The following MS4A10 variants were observed in gnomAD, a reference collection of about 807,000 sequenced individuals.
MS4A10 encodes membrane spanning 4-domains A10.
In MS4A10, 27 loss-of-function variants were observed where a neutral mutation model predicts 27.7. The observed-to-expected ratio is 0.98, with a 90% confidence interval of 0.72 to 1.35. The LOEUF is 1.35. MS4A10 is among the 40% of genes most tolerant of loss of function. The pLI, the probability that MS4A10 is intolerant of heterozygous loss-of-function variation, is 0.00. For synonymous variants in MS4A10, 139 were observed against 131.2 expected (o/e 1.06, Z -0.41); for missense variants, 338 against 324.7 (o/e 1.04, Z -0.32).
At chr11:60,790,567 G>C (rs375919284) in intron 2 of MS4A10, 49 bp downstream of exon 2, 50 of 1,599,418 alleles carry the variant, frequency 3.1e-5, no homozygotes, top group African/African-American at 5.4e-5. Flanking sequence ...AGAGGAGAGG[G>C]GGATATGAGG....
intron 1 of MS4A10, among the ~76,000 whole-genome samples, chr11:60,786,265 TC>T (rs767233644): frequency 1.4e-4 from 21 of 151,448 alleles, no homozygotes; most frequent in Non-Finnish European, 2.8e-4. Flanking sequence ...CTGATGAGGG[TC>T]ATATTATTCA....
intron 1 of MS4A10, among the ~76,000 whole-genome samples, chr11:60,786,727 C>T (rs1854346388): frequency 6.6e-6 from 1 of 152,158 alleles, no homozygotes; most frequent in Non-Finnish European, 1.5e-5. Context: ...AAGGTGGAGC[C>T]TCACTGGTGG....
intron 7 of MS4A10, 125 bp downstream of exon 7, chr11:60,798,639 T>G: frequency 4.2e-6 from 3 of 710,184 alleles, no homozygotes; most frequent in Non-Finnish European, 7.2e-6. Flanking sequence ...GTGCTGCAGC[T>G]AGAACTGCCT....
chr11:60,799,116 G>A (rs1854586122), intron 7 of MS4A10, among the ~76,000 whole-genome samples: 2 of 152,144 alleles, frequency 1.3e-5, no homozygotes, highest in African/African-American at 4.8e-5. Context: ...TGCCCTCCTG[G>A]ACCTCAGTGT....
rs1325045668 is a variant in MS4A10 at position 60,793,997 on chromosome 11, T to C, written c.386T>C (p.Leu129Pro). Residue 129 changes from leucine (L) to proline (P), a missense_variant, in exon 5 of 8, where the codon CTC (leucine) becomes CCC (proline). Leu to Pro is a moderately conservative substitution (Grantham distance 98). Coordinates refer to ENST00000308287, the MANE Select transcript of MS4A10 (RefSeq NM_206893.4). ...AAGATGTTGTGCCTGATGACAAACC[T>C]CATCAGCCTCTTTTGCGTGCTGTCT... is the stretch of plus-strand genomic sequence containing the variant. ...YLKMLCLMTN[L>P]ISLFCVLSGL... The C allele has an allele frequency of 6.2e-7, 1 of 1,614,148 alleles. No homozygotes were observed. Among genetic ancestry groups the C allele is most frequent in the Non-Finnish European group, 8.5e-7 (1 of 1,180,014 alleles).
intron 2 of MS4A10, 65 bp from the exon 3 acceptor site, chr11:60,790,909 T>TA: frequency 6.3e-7 from 1 of 1,599,638 alleles, no homozygotes; most frequent in Non-Finnish European, 8.5e-7. Flanking sequence ...TCCAGGGCAC[T>TA]AGTGGCCTCA....
intron 6 of MS4A10, among the ~76,000 whole-genome samples, chr11:60,798,170 A>C (rs1854563088): frequency 6.6e-6 from 1 of 152,216 alleles, no homozygotes. Flanking sequence ...CCAGAGCCCC[A>C]TCCAGTGACT....
intron 4 of MS4A10, among the ~76,000 whole-genome samples, chr11:60,792,592 G>A (rs1036134869): frequency 6.6e-6 from 1 of 152,184 alleles, no homozygotes; most frequent in South Asian, 2.1e-4. Context: ...CAGGCACCCT[G>A]ACCCATCCAT....
intron 6 of MS4A10, among the ~76,000 whole-genome samples, chr11:60,798,069 G>A (rs1854560580): frequency 1.3e-5 from 2 of 152,352 alleles, no homozygotes; most frequent in South Asian, 2.1e-4. Context: ...TGGCTAGAAG[G>A]GACTTGGGTC....
At chr11:60,792,774 C>G (rs1276896844) in intron 4 of MS4A10, among the ~76,000 whole-genome samples, 1 of 152,228 alleles carries the variant, frequency 6.6e-6, no homozygotes. Flanking sequence ...TGCCCAAACA[C>G]CTTGCCCTCT....
intron 1 of MS4A10, among the ~76,000 whole-genome samples, chr11:60,789,194 A>T (rs1280898040): frequency 1.3e-5 from 2 of 152,198 alleles, no homozygotes; most frequent in East Asian, 3.8e-4. Flanking sequence ...AGTGAGAGGA[A>T]TGGCCCTCCC....
intron 1 of MS4A10, among the ~76,000 whole-genome samples, chr11:60,786,187 A>ACG (rs753636704): frequency 1.2e-3 from 162 of 138,424 alleles, no homozygotes; most frequent in African/African-American, 1.7e-3. Context: ...ACACACACAC[A>ACG]CGCACACACA....
At position 60,794,040 on chromosome 11, in the gene MS4A10, C is replaced by T. The variant is rs779558163; in HGVS notation, c.429C>T (p.Ser143=). The change falls in exon 5 of 8, where the codon TCC becomes TCT. Residue 143 remains serine (S), a synonymous_variant. Transcript: ENST00000308287. ...FCVLSGLFVI[S]KDLFLESPFE... ...TGCTGTCTGGCCTCTTCGTCATCTC[C>T]AAGGATCTCTTTCTGGAGAGCCCAT... 3.7e-6 allele frequency: 6 copies of T among 1,614,160 alleles called. No homozygotes were observed. Among genetic ancestry groups the T allele is most frequent in the South Asian group, 1.1e-5 (1 of 91,078 alleles).
chr11:60,788,501 G>A (rs1372641853), intron 1 of MS4A10, among the ~76,000 whole-genome samples: 2 of 152,230 alleles, frequency 1.3e-5, no homozygotes, highest in Non-Finnish European at 2.9e-5. Context: ...TCTAGGTGAA[G>A]CCAGTGGCTA....
chr11:60,786,388 A>G (rs1421014936), intron 1 of MS4A10, among the ~76,000 whole-genome samples: 1 of 151,984 alleles, frequency 6.6e-6, no homozygotes, highest in Non-Finnish European at 1.5e-5. Flanking sequence ...CAAATCCACG[A>G]ATGACAGTGT....
chr11:60,790,646 A>G (rs1043431000), intron 2 of MS4A10, 128 bp downstream of exon 2: 16 of 1,072,164 alleles, frequency 1.5e-5, no homozygotes, highest in Non-Finnish European at 2.1e-5. Flanking sequence ...CTGAACATTC[A>G]TCTGAACTGG....
At chr11:60,792,360 C>G in intron 4 of MS4A10, 39 bp downstream of exon 4, 1 of 1,447,766 alleles carries the variant, frequency 6.9e-7, no homozygotes, top group East Asian at 2.3e-5. Flanking sequence ...TCCATCTGAG[C>G]ATGGCATAAC....
chr11:60,799,516 A>G (rs1854594633), intron 7 of MS4A10, among the ~76,000 whole-genome samples: 1 of 152,188 alleles, frequency 6.6e-6, no homozygotes, highest in South Asian at 2.1e-4. Context: ...TGTGAAATAA[A>G]ACGCAATTTT....
chr11:60,790,560 G>A, intron 2 of MS4A10, 42 bp downstream of exon 2: 1 of 1,608,276 alleles, frequency 6.2e-7, no homozygotes, highest in Non-Finnish European at 8.5e-7. Flanking sequence ...GGGAGGCAGA[G>A]GAGAGGGGGA....
Sources: gnomAD v4.1 joint callset for allele counts (sites outside exome capture counted in the v4.1 genomes callset) on GRCh38, gnomAD v4.1.1 for gene constraint, MANE v1.5 for transcripts, NCBI Gene and HGNC (gene_info 2026-07-23, HGNC 2026-07-21) for gene names.